ZNF721: variants seen among roughly 807,000 people sequenced by gnomAD.
The protein encoded by ZNF721 is zinc finger protein 721.
ZNF721 carries 2 observed loss-of-function variants against 2.4 expected under a neutral mutation model. The ratio of observed to expected loss-of-function variants is 0.82; its 90% CI spans 0.34 to 2.58. ZNF721 has a LOEUF of 2.58. Among genes scored for constraint, ZNF721 ranks in the 30% most tolerant of loss-of-function variants. The probability of loss-of-function intolerance (pLI) is 0.11; values close to 1 mark genes in which losing one functional copy is unlikely to be tolerated. For synonymous variants in ZNF721, 398 were observed against 381.8 expected (o/e 1.04, Z -0.50); for missense variants, 1,187 against 1,085.5 (o/e 1.09, Z -1.31).
At chr4:492,002 AAT>A in intron 1 of ZNF721, among the ~76,000 whole-genome samples, 1 of 151,918 alleles carries the variant, frequency 6.6e-6, no homozygotes, top group South Asian at 2.1e-4. Context: ...AAAAAAAAAA[AAT>A]ACAAAAAATT....
chr4:449,911 A>G (rs1418464160), intron 2 of ZNF721, among the ~76,000 whole-genome samples: 4 of 152,196 alleles, frequency 2.6e-5, no homozygotes, highest in Non-Finnish European at 5.9e-5. Context: ...GTTAGTGAGA[A>G]TGAATAGAAA....
At chr4:460,093 C>T (rs1245357920) in intron 2 of ZNF721, among the ~76,000 whole-genome samples, 8 of 152,112 alleles carry the variant, frequency 5.3e-5, no homozygotes, top group Non-Finnish European at 1.2e-4. Context: ...ACCAAGCAGA[C>T]GTAATAGACA....
intron 1 of ZNF721, among the ~76,000 whole-genome samples, chr4:477,456 T>C (rs544452089): frequency 6.6e-6 from 1 of 152,110 alleles, no homozygotes; most frequent in East Asian, 1.9e-4. Context: ...GCCAGGATGG[T>C]CTTGATCCCC....
At chr4:489,581 G>A (rs1715974659) in intron 1 of ZNF721, among the ~76,000 whole-genome samples, 1 of 152,110 alleles carries the variant, frequency 6.6e-6, no homozygotes, top group South Asian at 2.1e-4. Flanking sequence ...ACCCACCCTT[G>A]AGCCTGAGGA....
intron 1 of ZNF721, among the ~76,000 whole-genome samples, chr4:482,930 T>C (rs781999915): frequency 5.9e-5 from 9 of 152,268 alleles, no homozygotes; most frequent in Non-Finnish European, 7.3e-5. Flanking sequence ...GTATTTCAAA[T>C]ATTTCCAGGT....
intron 1 of ZNF721, among the ~76,000 whole-genome samples, chr4:480,982 G>A (rs1576970412): frequency 6.6e-6 from 1 of 152,092 alleles, no homozygotes; most frequent in South Asian, 2.1e-4. Flanking sequence ...GAGTGCAGTG[G>A]TGTGATAATG....
At chr4:477,265 T>A (rs1715649353) in intron 1 of ZNF721, among the ~76,000 whole-genome samples, 1 of 146,684 alleles carries the variant, frequency 6.8e-6, no homozygotes, top group African/African-American at 2.5e-5. Context: ...TTTTTTTTTT[T>A]TTTTTTTTTT....
At position 474,035 on chromosome 4, in the gene ZNF721, C is replaced by T. The variant is rs1715551515; in HGVS notation, c.-93-1334G>A. On this transcript the variant is annotated intron_variant, in intron 1 of 2. Coordinates refer to ENST00000511833, the MANE Select transcript of ZNF721 (RefSeq NM_133474.4). Reference sequence around the variant, plus strand: ...TCTTAGCTACGAATCATCCAATACCCGCAGGTTACAGAGCGATGGAGGCTG... The same window carrying T: ...TCTTAGCTACGAATCATCCAATACCTGCAGGTTACAGAGCGATGGAGGCTG... 3 of 1,494,454 alleles carry T rather than the reference C, an allele frequency of 2.0e-6. No individual in the cohort carries two copies. In the South Asian group the frequency reaches 3.3e-5, roughly 17 times the overall value. 92.6% of individuals were successfully genotyped at this position (1,494,454 alleles called of 1,614,324 possible). A position where few individuals can be genotyped will look rare whatever the true frequency, so the allele number is the denominator to read the frequency against.
intron 1 of ZNF721, among the ~76,000 whole-genome samples, chr4:485,786 C>T (rs1178378860): frequency 6.6e-6 from 1 of 152,054 alleles, no homozygotes; most frequent in African/African-American, 2.4e-5. Context: ...CCATCCTGGC[C>T]AACATGGGTG....
intron 2 of ZNF721, among the ~76,000 whole-genome samples, chr4:445,219 G>A (rs185030395): frequency 2.8e-4 from 42 of 152,122 alleles, no homozygotes; most frequent in East Asian, 1.4e-3. Context: ...TCCTGACCTC[G>A]TGATCCACCT....
chr4:484,937 T>C, intron 1 of ZNF721, among the ~76,000 whole-genome samples: 1 of 152,214 alleles, frequency 6.6e-6, no homozygotes, highest in Non-Finnish European at 1.5e-5. Context: ...TTGCGGCTTG[T>C]GGGGCATCAC....
intron 2 of ZNF721, among the ~76,000 whole-genome samples, chr4:455,128 C>A (rs1434533721): frequency 2.0e-5 from 3 of 152,218 alleles, no homozygotes; most frequent in African/African-American, 4.8e-5. Context: ...CCCTTCTCCC[C>A]TTCCCACTGC....
intron 1 of ZNF721, among the ~76,000 whole-genome samples, chr4:480,200 GCTTAT>G (rs140603566): frequency 0.044 from 6,732 of 152,186 alleles, 199 homozygotes; most frequent in African/African-American, 0.089. Context: ...TTTCTGCATG[GCTTAT>G]CTTGTCTATT....
Position 442,532 on chromosome 4 carries a change from C to G in ZNF721, c.1935G>C (p.Glu645Asp). The G allele has an allele frequency of 1.9e-6, 3 of 1,613,688 alleles. No individual in the cohort carries two copies. Among genetic ancestry groups the G allele is most frequent in the Middle Eastern group, 1.6e-4 (1 of 6,062 alleles). ...TTGATGGGGCAAAGGCTTTGCCACA[C>G]TCTTCACATTTGTAAGGTTTCTCCC... ...YTGEKPYKCE[E>D]CGKAFAPSTD... Residue 645 changes from glutamate (E) to aspartate (D), a missense_variant, in exon 3 of 3, where the codon GAG becomes GAC. By Grantham distance (45) the Glu-to-Asp change is conservative. Transcript: ENST00000511833.
chr4:470,994 G>C (rs574565631), intron 2 of ZNF721, among the ~76,000 whole-genome samples: 1 of 145,752 alleles, frequency 6.9e-6, no homozygotes, highest in Non-Finnish European at 1.5e-5. Flanking sequence ...GGAAGACTCT[G>C]TCTCAAAAAA....
rs1553863488 is a variant in ZNF721 at position 442,857 on chromosome 4, G to C, written c.1610C>G (p.Ala537Gly). ...ATAAAGGATTGCGGACTGTCTAAAG[G>C]CTTTGCCACATACTTCACATGTGTA... ...KPYTCEVCGK[A>G]FRQSAILYVH... The change falls in exon 3 of 3, where the codon GCC becomes GGC. Residue 537 changes from alanine to glycine, a missense_variant. Physicochemically the swap from Ala to Gly is moderately conservative, Grantham distance 60. Transcript: ENST00000511833. The C allele has an allele frequency of 1.2e-6, 2 of 1,613,746 alleles. No individual in the cohort carries two copies. Among genetic ancestry groups the C allele is most frequent in the Non-Finnish European group, 1.7e-6 (2 of 1,179,902 alleles).
chr4:440,094 T>A lies in ZNF721; in HGVS notation c.*1601A>T, dbSNP rs537670825. ...TTGCACTTATTACATAAATATACAG[T>A]TGGCAAAACAATTTACTACTAAAAT... On this transcript the variant is annotated 3_prime_UTR_variant, in exon 3 of 3. Coordinates refer to ENST00000511833, the MANE Select transcript of ZNF721 (RefSeq NM_133474.4). 1.3e-5 allele frequency: 2 copies of A among 152,226 alleles called. No homozygotes were observed. 9.4% of individuals were successfully genotyped at this position (152,226 alleles called of 1,614,324 possible).
chr4:472,534 CAGAG>C (rs1223741478), intron 2 of ZNF721, 37 bp downstream of exon 2: 6 of 1,570,594 alleles, frequency 3.8e-6, no homozygotes, highest in Middle Eastern at 1.7e-4. Flanking sequence ...AAATAAAACT[CAGAG>C]GGAGTATTAG....
At chr4:490,205 G>A (rs1266509093) in intron 1 of ZNF721, among the ~76,000 whole-genome samples, 5 of 152,114 alleles carry the variant, frequency 3.3e-5, no homozygotes, top group African/African-American at 9.6e-5. Flanking sequence ...AGCCGGGTGC[G>A]GTGGCTCACG....
Sources: allele counts gnomAD v4.1 joint callset (sites outside exome capture counted in the v4.1 genomes callset), GRCh38; gene constraint gnomAD v4.1.1; transcripts MANE v1.5; gene names NCBI Gene and HGNC (gene_info 2026-07-23, HGNC 2026-07-21).